SUPT5H: variants seen among roughly 807,000 people sequenced by gnomAD.
The protein encoded by SUPT5H is SPT5 homolog, DSIF elongation factor subunit, also known as transcription elongation factor SPT5.
In SUPT5H, 24 loss-of-function variants were observed where a neutral mutation model predicts 142.5. The ratio of observed to expected loss-of-function variants is 0.17; its 90% CI spans 0.12 to 0.24. The LOEUF (loss-of-function observed/expected upper bound fraction) is 0.24, where lower values mean the gene tolerates loss of function less well. Among genes scored for constraint, SUPT5H ranks in the 10% least tolerant of loss-of-function variants. The pLI is 1.00. For missense variants in SUPT5H, 893 were observed against 1,471.8 expected (o/e 0.61, Z 6.43); for synonymous variants, 546 against 553.0 (o/e 0.99, Z 0.18).
intron 9 of SUPT5H, 68 bp downstream of exon 9, chr19:39,459,657 GTGTC>G: frequency 1.3e-6 from 2 of 1,592,676 alleles, no homozygotes; most frequent in South Asian, 1.1e-5. Context: ...TGGGGGAGAA[GTGTC>G]TGTCTGTCCC....
At chr19:39,459,481 G>T (rs2079133525) in intron 8 of SUPT5H, 78 bp from the exon 9 acceptor site, 2 of 1,561,428 alleles carry the variant, frequency 1.3e-6, no homozygotes, top group South Asian at 1.1e-5. Flanking sequence ...CAGAGGAAGG[G>T]GGTGGCCCTG....
Position 39,472,833 on chromosome 19 carries a change from C to G in SUPT5H, c.2059C>G (p.Pro687Ala). Residue 687 changes from proline to alanine, a missense_variant, in exon 22 of 30, where the codon CCA (proline) becomes GCA (alanine). Physicochemically the swap from Pro to Ala is conservative, Grantham distance 27. Around this residue, in one of 6 missense-constraint regions of SUPT5H, gnomAD observed 35 missense variants for 29.7 expected, o/e 1.18. Transcript: ENST00000432763. The surrounding 1 kb of genome is among the most constrained non-coding windows in gnomAD (Gnocchi z 4.2). Reference protein sequence around the residue: ...AGGQRGGFGSPGGGSGGMSRG... With the variant: ...AGGQRGGFGSAGGGSGGMSRG... ...AGGTCAGCGTGGCGGCTTTGGTAGC[C>G]CAGGTGGCGGCAGTGGTGGCATGAG... The G allele has an allele frequency of 1.9e-6, 3 of 1,613,448 alleles. No individual in the cohort carries two copies. Among genetic ancestry groups the G allele is most frequent in the Non-Finnish European group, 2.5e-6 (3 of 1,179,684 alleles).
rs768269422 is a variant in SUPT5H, at chr19:39,470,333, G to A, written c.1531-44G>A. 1.3e-6 allele frequency: 2 copies of A among 1,542,352 alleles called. No homozygotes were observed. Among genetic ancestry groups the A allele is most frequent in the South Asian group, 1.2e-5 (1 of 80,872 alleles). The stretch of plus-strand genomic sequence containing the variant: ...GTGCCAAGAGGAGACCCAGGTAGGC[G>A]AGCCACCTGGACTGGGCCTCACCCC... On this transcript the variant is annotated intron_variant, in intron 17 of 29. Coordinates refer to ENST00000432763, the MANE Select transcript of SUPT5H (RefSeq NM_001111020.3). The surrounding 1 kb of genome is among the most constrained non-coding windows in gnomAD (Gnocchi z 5.8).
intron 2 of SUPT5H, among the ~76,000 whole-genome samples, chr19:39,448,259 C>T (rs1193718785): frequency 2.0e-5 from 3 of 152,234 alleles, no homozygotes; most frequent in Admixed American, 1.3e-4. Flanking sequence ...ATGTTGCCTG[C>T]TTATCCTCTG....
chr19:39,476,525 C>A lies in SUPT5H; in HGVS notation c.*126C>A, dbSNP rs2079408821. ...TGTTCTGGATTTCCTTTTGTTTTTC[C>A]TTTTAGTTTTCCATCTTTTCCCTCC... is the stretch of plus-strand genomic sequence containing the variant. On this transcript the variant is annotated 3_prime_UTR_variant, in exon 30 of 30. Coordinates refer to ENST00000432763, the MANE Select transcript of SUPT5H (RefSeq NM_001111020.3). 7.6e-7 allele frequency: 1 copy of A among 1,320,852 alleles called. No individual in the cohort carries two copies. The highest frequency in any genetic ancestry group is 2.4e-5 in the Admixed American group (1 of 41,566). The allele number at this position is 1,320,852 out of a possible 1,614,324, so 81.8% of individuals were successfully genotyped here.
At chr19:39,459,832 C>T in intron 9 of SUPT5H, 60 bp from the exon 10 acceptor site, 2 of 1,578,084 alleles carry the variant, frequency 1.3e-6, no homozygotes, top group South Asian at 2.2e-5. Context: ...CTCCTTCCCC[C>T]TTTCCTGTGT....
rs2079361606 is a variant in SUPT5H, at chr19:39,473,868, A to G, written c.2493-95A>G. 1.3e-6 allele frequency: 2 copies of G among 1,534,676 alleles called. No homozygotes were observed. The highest frequency in any genetic ancestry group is 1.8e-6 in the Non-Finnish European group (2 of 1,111,262). On this transcript the variant is annotated intron_variant, in intron 25 of 29. Coordinates refer to ENST00000432763, the MANE Select transcript of SUPT5H (RefSeq NM_001111020.3). The surrounding 1 kb of genome is among the most constrained non-coding windows in gnomAD (Gnocchi z 5.8). ...TGGATGGGGCTCCCGTGAGAATGAA[A>G]TTGCTTCAGTTGGGGGTCTGGTGTA...
chr19:39,459,332 A>G, intron 8 of SUPT5H, 83 bp downstream of exon 8: 1 of 1,498,516 alleles, frequency 6.7e-7, no homozygotes. Flanking sequence ...GGCTCCCTGA[A>G]ATAAGTCAGG....
chr19:39,469,451 T>C lies in SUPT5H; in HGVS notation c.1374+53T>C. 1 of 1,608,300 alleles carries C rather than the reference T, an allele frequency of 6.2e-7. No homozygotes were observed. Reference sequence around the variant, plus strand: ...GTTGGAGTGTTCAGGCACATCTGACTGTATGTGGCTGTCGAGGCGGTGGTG... The same window carrying C: ...GTTGGAGTGTTCAGGCACATCTGACCGTATGTGGCTGTCGAGGCGGTGGTG... On this transcript the variant is annotated intron_variant, in intron 16 of 29. Coordinates refer to ENST00000432763, the MANE Select transcript of SUPT5H (RefSeq NM_001111020.3). This position sits in a 1 kb window ranked among gnomAD's most constrained non-coding sequence, Gnocchi z 5.1.
intron 2 of SUPT5H, among the ~76,000 whole-genome samples, chr19:39,447,407 C>T (rs768210585): frequency 1.2e-4 from 18 of 151,472 alleles, no homozygotes; most frequent in Admixed American, 2.6e-4. Flanking sequence ...CCAACATTTC[C>T]TGGGGCATTT....
chr19:39,456,044 A>G (rs1320861228), intron 3 of SUPT5H, among the ~76,000 whole-genome samples: 2 of 139,796 alleles, frequency 1.4e-5, no homozygotes, highest in East Asian at 4.2e-4. Context: ...CTCCTGTCTC[A>G]GCTTCCCGAG....
Position 39,469,655 on chromosome 19 carries a change from G to C in SUPT5H, c.1374+257G>C. 1.7e-6 allele frequency: 1 copy of C among 574,382 alleles called. No individual in the cohort carries two copies. 35.6% of individuals were successfully genotyped at this position (574,382 alleles called of 1,614,324 possible). ...TGTTTCTGAAAAGCAAGATATCTGG[G>C]TAGTACTGGGTTGAGAGTGTGATTA... On this transcript the variant is annotated intron_variant, in intron 16 of 29. Transcript: ENST00000432763. The surrounding 1 kb of genome is among the most constrained non-coding windows in gnomAD (Gnocchi z 5.1).
intron 2 of SUPT5H, among the ~76,000 whole-genome samples, chr19:39,450,839 G>A (rs1045344312): frequency 5.1e-4 from 78 of 152,146 alleles, no homozygotes; most frequent in Admixed American, 5.0e-3. Flanking sequence ...TGTCTTGAAC[G>A]CCTCTGGGTG....
chr19:39,456,370 C>T (rs1436467364), intron 3 of SUPT5H, among the ~76,000 whole-genome samples: 2 of 151,264 alleles, frequency 1.3e-5, no homozygotes, highest in Non-Finnish European at 2.9e-5. Flanking sequence ...GCTGGGACCA[C>T]AGGTGTGCAT....
Position 39,473,123 on chromosome 19 carries a change from G to T in SUPT5H, c.2258+9G>T. 1 of 1,612,572 alleles carries T rather than the reference G, an allele frequency of 6.2e-7. No homozygotes were observed. The highest frequency in any genetic ancestry group is 8.5e-7 in the Non-Finnish European group (1 of 1,179,782). ...CAGCGGCTCACCACGGTGTACGGGC[G>T]GGGCCTGGGGAGGGCCAGGGTGGGG... On this transcript the variant is annotated intron_variant, in intron 23 of 29. Coordinates refer to ENST00000432763, the MANE Select transcript of SUPT5H (RefSeq NM_001111020.3). The surrounding 1 kb of genome is among the most constrained non-coding windows in gnomAD (Gnocchi z 5.8).
At chr19:39,471,839 A>C (rs1463602935) in intron 20 of SUPT5H, 109 bp downstream of exon 20, 1 of 1,435,680 alleles carries the variant, frequency 7.0e-7, no homozygotes, top group Non-Finnish European at 9.3e-7. Flanking sequence ...TTAGGAGAGC[A>C]GTGTCATTGT....
rs2079142173 is a variant in SUPT5H, at chr19:39,460,092, G to C, written c.624+132G>C. ...CCTGCTGAGTGAGCTGCTTGAGCTG[G>C]AATAAGACCACTGCCTAGATGGAAG... On this transcript the variant is annotated intron_variant, in intron 10 of 29. Coordinates refer to ENST00000432763, the MANE Select transcript of SUPT5H (RefSeq NM_001111020.3). 2.8e-5 allele frequency: 24 copies of C among 849,762 alleles called. No individual in the cohort carries two copies. The South Asian group carries it at 3.0e-4, about 11-fold the overall frequency. 52.6% of individuals were successfully genotyped at this position (849,762 alleles called of 1,614,324 possible).
Position 39,466,657 on chromosome 19 carries a change from T to C in SUPT5H, c.967-18T>C. On this transcript the variant is annotated intron_variant, in intron 12 of 29. Coordinates refer to ENST00000432763, the MANE Select transcript of SUPT5H (RefSeq NM_001111020.3). This position sits in a 1 kb window ranked among gnomAD's most constrained non-coding sequence, Gnocchi z 4.3. ...CCCCCTCCCTCACCCTTCCCACCCA[T>C]GCCCCTTTCCTCCATAGAAAGACTG... The C allele has an allele frequency of 6.3e-7, 1 of 1,590,938 alleles. No homozygotes were observed. Among genetic ancestry groups the C allele is most frequent in the Non-Finnish European group, 8.6e-7 (1 of 1,161,914 alleles).
At chr19:39,454,838 A>G (rs2079067449) in intron 3 of SUPT5H, among the ~76,000 whole-genome samples, 1 of 152,150 alleles carries the variant, frequency 6.6e-6, no homozygotes, top group South Asian at 2.1e-4. Context: ...TTTATTGTCA[A>G]AGGGACAGGA....
Sources: gnomAD v4.1 joint callset for allele counts (sites outside exome capture counted in the v4.1 genomes callset) on GRCh38, gnomAD v4.1.1 for gene constraint, gnomAD v4.1.1 regional missense constraint, Gnocchi (gnomAD v3.1) non-coding constraint, MANE v1.5 for transcripts, NCBI Gene and HGNC (gene_info 2026-07-23, HGNC 2026-07-21) for gene names.